DOK6: variants seen among roughly 807,000 people sequenced by gnomAD.
DOK6 encodes downstream of tyrosine kinase 6.
In DOK6, 22 loss-of-function variants were observed where a neutral mutation model predicts 44.0. The ratio of observed to expected loss-of-function variants is 0.50; its 90% CI spans 0.36 to 0.71. The LOEUF is 0.71. DOK6 is among the 30% of genes least tolerant of loss of function. The pLI, the probability that DOK6 is intolerant of heterozygous loss-of-function variation, is 0.00. For missense variants in DOK6, 340 were observed against 416.4 expected (o/e 0.82, Z 1.60); for synonymous variants, 166 against 145.5 (o/e 1.14, Z -1.01).
intron 1 of DOK6, among the ~76,000 whole-genome samples, chr18:69,559,193 C>A (rs1175405777): frequency 1.3e-5 from 2 of 152,072 alleles, no homozygotes; most frequent in East Asian, 3.8e-4. Context: ...TAGAAATATG[C>A]CTTCTGGCTC....
chr18:69,536,423 G>A (rs1158400330), intron 1 of DOK6, among the ~76,000 whole-genome samples: 1 of 151,990 alleles, frequency 6.6e-6, no homozygotes, highest in East Asian at 1.9e-4. Flanking sequence ...AAGTAAAAGG[G>A]AATGCTTTGT....
chr18:69,538,978 A>G (rs1834435531), intron 1 of DOK6, among the ~76,000 whole-genome samples: 1 of 152,196 alleles, frequency 6.6e-6, no homozygotes, highest in African/African-American at 2.4e-5. Context: ...CACACAGAGC[A>G]GATGTGAGAA....
At chr18:69,745,424 A>G (rs1978953333) in intron 6 of DOK6, among the ~76,000 whole-genome samples, 1 of 152,226 alleles carries the variant, frequency 6.6e-6, no homozygotes, top group Non-Finnish European at 1.5e-5. Flanking sequence ...CACACATATA[A>G]CCCAATGGCT....
Position 69,615,632 on chromosome 18 carries a change from C to A in DOK6, c.289+16134C>A, listed in dbSNP as rs143828387. 2.5e-3 allele frequency among the ~76,000 whole-genome samples: 375 copies of A among 152,304 alleles called. 1 individual carries two copies. The highest frequency in any genetic ancestry group is 1.8e-3 in the Non-Finnish European group (121 of 68,008). On this transcript the variant is annotated intron_variant, in intron 3 of 7. Coordinates refer to ENST00000382713, the MANE Select transcript of DOK6 (RefSeq NM_152721.6). ...GTAATGAGACTTTAAATTTTTAATA[C>A]TCTTCACAATTTCACATTGAAGAAA...
At chr18:69,767,379 T>C (rs190286560) in intron 7 of DOK6, among the ~76,000 whole-genome samples, 76 of 152,334 alleles carry the variant, frequency 5.0e-4, no homozygotes, top group Non-Finnish European at 8.2e-4. Context: ...TTTTTTCTTC[T>C]CATCAGTGAG....
intron 1 of DOK6, among the ~76,000 whole-genome samples, chr18:69,459,189 G>T (rs1319435868): frequency 1.4e-3 from 3 of 2,134 alleles, no homozygotes; most frequent in Non-Finnish European, 2.9e-3. Flanking sequence ...AAAATATTTT[G>T]TGTGTGTGTG....
chr18:69,841,963 C>CGTGTGTGT lies in DOK6; in HGVS notation c.*591_*598dup, dbSNP rs4020105. ...GTAGCTCTACTCGTGTGTGTGTGTGCGTGTGTGTGTGTGTGTGTAGACAAA... is the reference window on the plus strand; with the variant it reads ...GTAGCTCTACTCGTGTGTGTGTGTGCGTGTGTGTGTGTGTGTGTGTGTGTGTAGACAAA... On this transcript the variant is annotated 3_prime_UTR_variant, in exon 8 of 8. Coordinates refer to ENST00000382713, the MANE Select transcript of DOK6 (RefSeq NM_152721.6). The CGTGTGTGT allele has an allele frequency of 0.54, 80,815 of 150,104 alleles. 23,141 individuals carry two copies. Among genetic ancestry groups the CGTGTGTGT allele is most frequent in the East Asian group, 0.74 (3,739 of 5,086 alleles). The allele number at this position is 150,104 out of a possible 1,614,324, so 9.3% of individuals were successfully genotyped here.
In DOK6 at chr18:69,501,065, A is replaced by G. The variant is rs185708119; in HGVS notation, c.67-63422A>G. Among the ~76,000 whole-genome samples the G allele has an allele frequency of 5.8e-4, 89 of 152,296 alleles. 2 individuals carry two copies. Among genetic ancestry groups the G allele is most frequent in the African/African-American group, 2.0e-3 (85 of 41,576 alleles). ...CTCTAGAAAATGGGGTACTGAACAA[A>G]CACAAAAGATGGAAAAATAAGTTGA... On this transcript the variant is annotated intron_variant, in intron 1 of 7. Transcript: ENST00000382713.
chr18:69,484,588 C>A (rs1201640123), intron 1 of DOK6, among the ~76,000 whole-genome samples: 5 of 152,128 alleles, frequency 3.3e-5, no homozygotes, highest in Non-Finnish European at 7.4e-5. Context: ...GTTCTCAGAG[C>A]CTCAGGTCAC....
At chr18:69,741,333 G>T (rs1035824975) in intron 6 of DOK6, among the ~76,000 whole-genome samples, 1 of 152,158 alleles carries the variant, frequency 6.6e-6, no homozygotes. Context: ...ACTACTCCAT[G>T]GCTAATTTGT....
At chr18:69,821,788 G>GT (rs5825972) in intron 7 of DOK6, among the ~76,000 whole-genome samples, 7,814 of 133,614 alleles carry the variant, frequency 0.058, 278 homozygotes, top group Non-Finnish European at 0.077. Flanking sequence ...GCATGCTATT[G>GT]TTTTTTTTTT....
At chr18:69,409,835 A>G (rs747612135) in intron 1 of DOK6, among the ~76,000 whole-genome samples, 2 of 152,224 alleles carry the variant, frequency 1.3e-5, no homozygotes, top group Non-Finnish European at 2.9e-5. Context: ...GTAAAATTAT[A>G]CTTTTCACAT....
chr18:69,606,576 CA>C (rs1008646826), intron 3 of DOK6, among the ~76,000 whole-genome samples: 69 of 151,880 alleles, frequency 4.5e-4, no homozygotes, highest in African/African-American at 1.4e-3. Context: ...GAAAAAGAAA[CA>C]AAAGACGTCC....
intron 1 of DOK6, among the ~76,000 whole-genome samples, chr18:69,435,936 T>G (rs964587139): frequency 6.6e-6 from 1 of 152,110 alleles, no homozygotes; most frequent in South Asian, 2.1e-4. Context: ...ATCCCTTTAT[T>G]CCCTGCTATG....
chr18:69,416,130 AAGGGAGGGAGGGACGGAGGG>A lies in DOK6; in HGVS notation c.66+14830_66+14849del, dbSNP rs1443323681. Among the ~76,000 whole-genome samples the A allele has an allele frequency of 8.4e-5, 10 of 119,060 alleles. No homozygotes were observed. In the East Asian group the frequency reaches 9.0e-4, roughly 11 times the overall value. 78.1% of individuals were successfully genotyped at this position (119,060 alleles called of 152,430 possible). ...AGAGGGATGGAGGGAGGGACGGAGG[AAGGGAGGGAGGGACGGAGGG>A]AGGGAGGGAAGGAAGGAAGGAAGGA... On this transcript the variant is annotated intron_variant, in intron 1 of 7. Coordinates refer to ENST00000382713, the MANE Select transcript of DOK6 (RefSeq NM_152721.6).
rs1287144990 is a variant in DOK6 at position 69,450,428 on chromosome 18, G to A, written c.66+49118G>A. ...GACTATGTGAAAAGACCAAATCTAC[G>A]TCTGATTGGTGTACCTGAAAGTGAT... On this transcript the variant is annotated intron_variant, in intron 1 of 7. Transcript: ENST00000382713. Among the ~76,000 whole-genome samples the A allele has an allele frequency of 4.3e-5, 4 of 93,780 alleles. No individual in the cohort carries two copies. The East Asian group carries it at 1.1e-3, about 25-fold the overall frequency. The allele number at this position is 93,780 out of a possible 152,430, so 61.5% of individuals were successfully genotyped here. A position where few individuals can be genotyped will look rare whatever the true frequency, so the allele number is the denominator to read the frequency against.
At chr18:69,669,352 T>C (rs1254435085) in intron 3 of DOK6, among the ~76,000 whole-genome samples, 1 of 152,218 alleles carries the variant, frequency 6.6e-6, no homozygotes, top group Non-Finnish European at 1.5e-5. Context: ...GAACATGCAA[T>C]ATTTGGTTCT....
At chr18:69,803,103 A>G (rs1406957598) in intron 7 of DOK6, among the ~76,000 whole-genome samples, 1 of 152,044 alleles carries the variant, frequency 6.6e-6, no homozygotes, top group Admixed American at 6.6e-5. Flanking sequence ...TATATATACT[A>G]TTTTTGTATT....
intron 1 of DOK6, among the ~76,000 whole-genome samples, chr18:69,558,563 C>T (rs12963884): frequency 0.19 from 28,755 of 151,946 alleles, 3,111 homozygotes; most frequent in Middle Eastern, 0.35. Context: ...TTCATATTTC[C>T]TAATAAATTA....
Sources: gnomAD v4.1 joint callset for allele counts (sites outside exome capture counted in the v4.1 genomes callset) on GRCh38, gnomAD v4.1.1 for gene constraint, MANE v1.5 for transcripts, NCBI Gene and HGNC (gene_info 2026-07-23, HGNC 2026-07-21) for gene names.